The following SERPINA9 variants were observed in gnomAD, a reference collection of about 807,000 sequenced individuals.
SERPINA9 encodes the protein serpin A9.
SERPINA9 carries 32 observed loss-of-function variants against 24.5 expected under a neutral mutation model. The ratio of observed to expected loss-of-function variants is 1.30; its 90% CI spans 0.98 to 1.75. The LOEUF (loss-of-function observed/expected upper bound fraction) is 1.75. Ranked by LOEUF, SERPINA9 falls within the 40% of genes most tolerant of loss-of-function variation. The pLI, the probability that SERPINA9 is intolerant of heterozygous loss-of-function variation, is 0.00. For synonymous variants in SERPINA9, 233 were observed against 197.7 expected (o/e 1.18, Z -1.50); for missense variants, 594 against 497.1 (o/e 1.19, Z -1.85).
chr14:94,474,769 A>G (rs1899501168), intron 1 of SERPINA9, among the ~76,000 whole-genome samples: 1 of 151,082 alleles, frequency 6.6e-6, no homozygotes, highest in African/African-American at 2.4e-5. Context: ...CCTCTTCTGG[A>G]CCTCTCCCTC....
At chr14:94,475,173 A>G (rs779439843) in intron 1 of SERPINA9, among the ~76,000 whole-genome samples, 2 of 152,156 alleles carry the variant, frequency 1.3e-5, no homozygotes, top group Non-Finnish European at 2.9e-5. Context: ...CATGTGTGGT[A>G]GAACCTACCT....
At chr14:94,468,596 A>G (rs2139808263) in intron 2 of SERPINA9, among the ~76,000 whole-genome samples, 1 of 152,362 alleles carries the variant, frequency 6.6e-6, no homozygotes, top group Middle Eastern at 3.4e-3. Flanking sequence ...ATCATAGAGC[A>G]AGTATGGGGT....
chr14:94,467,181 C>T lies in SERPINA9; in HGVS notation c.830G>A (p.Gly277Asp), dbSNP rs771591706. The T allele has an allele frequency of 8.7e-6, 14 of 1,614,186 alleles. No individual in the cohort carries two copies. The South Asian group carries it at 1.4e-4, about 16-fold the overall frequency. Residue 277 changes from glycine to aspartate, a missense_variant, in exon 3 of 5, where the codon GGC becomes GAC. Physicochemically the swap from Gly to Asp is moderately conservative, Grantham distance 94 (BLOSUM62 -1). Coordinates refer to ENST00000674397, the MANE Select transcript of SERPINA9 (RefSeq NM_175739.4). The stretch of plus-strand genomic sequence containing the variant: ...GGCCTGTTCCAGTTGCCTCATCTTG[C>T]CCTTGCTAGGGAGGACAAAGAAGGC... ...AVAFFVLPSK[G>D]KMRQLEQALS...
intron 1 of SERPINA9, among the ~76,000 whole-genome samples, chr14:94,473,284 C>A (rs771428586): frequency 6.6e-6 from 1 of 152,068 alleles, no homozygotes; most frequent in Non-Finnish European, 1.5e-5. Flanking sequence ...CTAGCACTTT[C>A]GAGGCAGGTG....
chr14:94,475,367 A>G (rs183504725), intron 1 of SERPINA9, among the ~76,000 whole-genome samples: 2 of 152,158 alleles, frequency 1.3e-5, no homozygotes, highest in South Asian at 2.1e-4. Context: ...CCAGGGTGGA[A>G]TGGATGCCCA....
chr14:94,466,121 C>T (rs1387332240), intron 3 of SERPINA9, among the ~76,000 whole-genome samples: 2 of 152,162 alleles, frequency 1.3e-5, no homozygotes, highest in Non-Finnish European at 2.9e-5. Context: ...TGTGCCACCT[C>T]CTCTTCCTAT....
chr14:94,467,653 A>G (rs1899073752), intron 2 of SERPINA9, among the ~76,000 whole-genome samples: 1 of 152,270 alleles, frequency 6.6e-6, no homozygotes, highest in African/African-American at 2.4e-5. Flanking sequence ...GTAACTTAGT[A>G]AGGGCTCAAA....
intron 1 of SERPINA9, among the ~76,000 whole-genome samples, chr14:94,473,090 C>T (rs575550102): frequency 6.6e-6 from 1 of 152,268 alleles, no homozygotes; most frequent in Admixed American, 6.5e-5. Context: ...CTGCACCTGT[C>T]TGTGTTCCTC....
chr14:94,475,301 A>T (rs2139827091), intron 1 of SERPINA9, among the ~76,000 whole-genome samples: 2 of 151,140 alleles, frequency 1.3e-5, no homozygotes, highest in South Asian at 2.1e-4. Flanking sequence ...TCATCAGCTC[A>T]CTCTCCCATT....
chr14:94,472,155 C>A (rs765218566), intron 1 of SERPINA9, among the ~76,000 whole-genome samples: 1 of 152,098 alleles, frequency 6.6e-6, no homozygotes, highest in African/African-American at 2.4e-5. Context: ...CCCCTCTCTT[C>A]GGCCCCACTG....
In SERPINA9 at chr14:94,469,440, C is replaced by G; in HGVS notation, c.401G>C (p.Ser134Thr). 6.2e-7 allele frequency: 1 copy of G among 1,614,202 alleles called. No homozygotes were observed. The highest frequency in any genetic ancestry group is 2.2e-5 in the East Asian group (1 of 44,876). Residue 134 changes from serine (S) to threonine (T), a missense_variant, in exon 2 of 5, where the codon AGT becomes ACT. Physicochemically the swap from Ser to Thr is moderately conservative, Grantham distance 58 (BLOSUM62 1). Coordinates refer to ENST00000674397, the MANE Select transcript of SERPINA9 (RefSeq NM_175739.4). ...PSKDLTLKMG[S>T]ALFVKKELQL... ...CAGCTCCTTCTTGACGAAGAGGGCA[C>G]TTCCCATCTTCAAGGTCAGGTCTTT...
At chr14:94,475,587 C>T (rs1899570727) in intron 1 of SERPINA9, among the ~76,000 whole-genome samples, 1 of 152,156 alleles carries the variant, frequency 6.6e-6, no homozygotes, top group Non-Finnish European at 1.5e-5. Context: ...CCCTCTCTCT[C>T]CCCTACACCT....
At chr14:94,471,271 C>G (rs192341846) in intron 1 of SERPINA9, among the ~76,000 whole-genome samples, 15 of 152,242 alleles carry the variant, frequency 9.9e-5, no homozygotes, top group African/African-American at 3.6e-4. Flanking sequence ...AAAGACTTTA[C>G]CCACTGGAAC....
rs565033571 is a variant in SERPINA9 at position 94,468,882 on chromosome 14, G to A, written c.628+331C>T. 3.3e-5 allele frequency among the ~76,000 whole-genome samples: 5 copies of A among 152,296 alleles called. No individual in the cohort carries two copies. In the South Asian group the frequency reaches 8.3e-4, roughly 25 times the overall value. ...TGTTTCTTTCTAAAACTTTCAAGGG[G>A]CAGTGGGACAGCTGCTGGTGGCAAG... On this transcript the variant is annotated intron_variant, in intron 2 of 4. Transcript: ENST00000674397.
chr14:94,473,305 G>C (rs1452918729), intron 1 of SERPINA9, among the ~76,000 whole-genome samples: 1 of 152,116 alleles, frequency 6.6e-6, no homozygotes, highest in Non-Finnish European at 1.5e-5. Context: ...GATCACCTGA[G>C]ATCAGGAGTT....
chr14:94,469,946 G>T, intron 1 of SERPINA9, 89 bp from the exon 2 acceptor site: 1 of 1,098,016 alleles, frequency 9.1e-7, no homozygotes, highest in Non-Finnish European at 1.3e-6. Flanking sequence ...GCCATCAGCA[G>T]CAGAATGAGG....
At chr14:94,464,043 C>T (rs1257432345) in intron 4 of SERPINA9, among the ~76,000 whole-genome samples, 2 of 152,132 alleles carry the variant, frequency 1.3e-5, no homozygotes, top group East Asian at 3.8e-4. Context: ...AGGGGCTAGG[C>T]AGGTAACCCC....
In SERPINA9 at chr14:94,469,752, T is replaced by C. The variant is rs1402106800; in HGVS notation, c.89A>G (p.Tyr30Cys). The C allele has an allele frequency of 1.9e-6, 3 of 1,572,830 alleles. No homozygotes were observed. Among genetic ancestry groups the C allele is most frequent in the Non-Finnish European group, 2.6e-6 (3 of 1,158,178 alleles). ...GCTCTTTGTGGAGGAAGGGCGGGGG[T>C]ATGCACTGGGGGCATTGGCCGGGGA... is the stretch of plus-strand genomic sequence containing the variant. ...CVSPANAPSA[Y>C]PRPSSTKSTP... The change falls in exon 2 of 5, where the codon TAC becomes TGC. Residue 30 changes from tyrosine (Y) to cysteine (C), a missense_variant. Tyr to Cys is a radical substitution (Grantham distance 194). Transcript: ENST00000674397.
Position 94,463,307 on chromosome 14 carries a change from A to G in SERPINA9, c.1051-11T>C. The G allele has an allele frequency of 1.2e-6, 2 of 1,613,070 alleles. No individual in the cohort carries two copies. Among genetic ancestry groups the G allele is most frequent in the Admixed American group, 3.3e-5 (2 of 60,024 alleles). On this transcript the variant is annotated splice_polypyrimidine_tract_variant and intron_variant, in intron 4 of 4. Coordinates refer to ENST00000674397, the MANE Select transcript of SERPINA9 (RefSeq NM_175739.4). Reference sequence around the variant, plus strand: ...AGCCTTGTGGGTTGCCTGCCAAGGGAAAAACAAACATCAGTGGCCCTAGTG... The same window carrying G: ...AGCCTTGTGGGTTGCCTGCCAAGGGGAAAACAAACATCAGTGGCCCTAGTG...
Sources: gnomAD v4.1 joint callset for allele counts (sites outside exome capture counted in the v4.1 genomes callset) on GRCh38, gnomAD v4.1.1 for gene constraint, MANE v1.5 for transcripts, NCBI Gene and HGNC (gene_info 2026-07-23, HGNC 2026-07-21) for gene names.